Variants in RASSF3 observed in about 807,000 individuals in gnomAD.
RASSF3 encodes ras association domain-containing protein 3.
Under a neutral mutation model 19.9 loss-of-function variants are expected in RASSF3, and 19 were observed. The observed-to-expected ratio is 0.96, with a 90% CI of 0.67 to 1.40. The LOEUF is 1.40. Among genes scored for constraint, RASSF3 ranks in the 40% most tolerant of loss-of-function variants. RASSF3 has a pLI of 0.00. For synonymous variants in RASSF3, 110 were observed against 104.2 expected (o/e 1.06, Z -0.34); for missense variants, 306 against 289.8 (o/e 1.06, Z -0.41).
chr12:64,524,180 T>C (rs1403518520), intron 1 of RASSF3, among the ~76,000 whole-genome samples: 4 of 151,854 alleles, frequency 2.6e-5, no homozygotes, highest in Non-Finnish European at 5.9e-5. Flanking sequence ...GCCTCCCAAG[T>C]AGCTGGGACT....
chr12:64,642,949 T>G (rs1871596967), intron 1 of RASSF3, among the ~76,000 whole-genome samples: 2 of 150,842 alleles, frequency 1.3e-5, no homozygotes, highest in Non-Finnish European at 2.9e-5. Flanking sequence ...CACTGCAACC[T>G]CCGCCTCTGG....
intron 1 of RASSF3, among the ~76,000 whole-genome samples, chr12:64,618,244 A>G (rs1870620006): frequency 6.6e-6 from 1 of 152,170 alleles, no homozygotes; most frequent in Non-Finnish European, 1.5e-5. Flanking sequence ...CCTCCTGAGT[A>G]TTCCAGGTTT....
At chr12:64,562,624 A>ATTTATTTTATTTTAT (rs10692627) in intron 2 of RASSF3, among the ~76,000 whole-genome samples, 3 of 150,964 alleles carry the variant, frequency 2.0e-5, no homozygotes, top group South Asian at 4.2e-4. Flanking sequence ...TTTAAATTTT[A>ATTTATTTTATTTTAT]TTTATTTTAT....
downstream of RASSF3, among the ~76,000 whole-genome samples, chr12:64,543,340 T>C (rs892067951): frequency 2.7e-5 from 4 of 149,358 alleles, no homozygotes; most frequent in Non-Finnish European, 4.5e-5. Context: ...CTGCGCTCGA[T>C]TTCTCGCCGG....
At chr12:64,570,815 A>T (rs1253394250) in intron 2 of RASSF3, among the ~76,000 whole-genome samples, 2 of 152,134 alleles carry the variant, frequency 1.3e-5, no homozygotes, top group African/African-American at 4.8e-5. Flanking sequence ...GGGTTCTGTC[A>T]TCTCAGCGTG....
At chr12:64,684,379 C>T (rs956048316) in intron 1 of RASSF3, among the ~76,000 whole-genome samples, 10 of 151,296 alleles carry the variant, frequency 6.6e-5, no homozygotes, top group East Asian at 1.9e-4. Context: ...CCACCGTGCC[C>T]GGCCCTTGTG....
chr12:64,543,401 G>A (rs1002060373), downstream of RASSF3, among the ~76,000 whole-genome samples: 5 of 98,204 alleles, frequency 5.1e-5, no homozygotes, highest in Non-Finnish European at 9.7e-5. Context: ...AGCCAGCCAT[G>A]CCTGAGTTTC....
At chr12:64,652,965 G>A (rs1186415296) in intron 1 of RASSF3, among the ~76,000 whole-genome samples, 1 of 152,192 alleles carries the variant, frequency 6.6e-6, no homozygotes, top group Admixed American at 6.5e-5. Flanking sequence ...CCTTCTGAGG[G>A]TTAGGAGGGA....
intron 4 of RASSF3, among the ~76,000 whole-genome samples, chr12:64,692,425 AG>A (rs1378077052): frequency 6.6e-6 from 1 of 152,220 alleles, no homozygotes; most frequent in Non-Finnish European, 1.5e-5. Flanking sequence ...ACACTTTACA[AG>A]GTGGGCTTTG....
At chr12:64,535,689 CTTT>C (rs34094654) in intron 1 of RASSF3, among the ~76,000 whole-genome samples, 4 of 137,558 alleles carry the variant, frequency 2.9e-5, no homozygotes, top group Admixed American at 7.3e-5. Context: ...TTTGTTTTCA[CTTT>C]TTTTTTTTTT....
chr12:64,628,219 T>C (rs1871056393), intron 1 of RASSF3: 1 of 152,198 alleles, frequency 6.6e-6, no homozygotes, highest in South Asian at 2.1e-4. Flanking sequence ...TTTCTAAGAA[T>C]GGATTTCATG....
chr12:64,633,936 C>T (rs1360342894), intron 1 of RASSF3, among the ~76,000 whole-genome samples: 1 of 151,992 alleles, frequency 6.6e-6, no homozygotes, highest in Non-Finnish European at 1.5e-5. Context: ...GAGTTTGAGA[C>T]CACCCTGGAC....
upstream of RASSF3, among the ~76,000 whole-genome samples, chr12:64,610,131 C>A (rs1027508997): frequency 6.6e-6 from 1 of 152,158 alleles, no homozygotes; most frequent in Non-Finnish European, 1.5e-5. Flanking sequence ...GAAAGTTCCC[C>A]GCTCTGCTCC....
chr12:64,564,859 C>G (rs1338984081), intron 2 of RASSF3, among the ~76,000 whole-genome samples: 1 of 151,882 alleles, frequency 6.6e-6, no homozygotes, highest in Non-Finnish European at 1.5e-5. Context: ...CGGCTCACTG[C>G]AACCTCCAGC....
chr12:64,663,840 CTT>C lies in RASSF3; in HGVS notation c.112-20926_112-20925del, dbSNP rs34450092. On this transcript the variant is annotated intron_variant, in intron 1 of 4. Coordinates refer to ENST00000542104, the MANE Select transcript of RASSF3 (RefSeq NM_178169.4). ...TTTCTTTACCACGTTTTAGCCTTGC[CTT>C]TTTTTTTTTTTTTTTTTTTTGCCTC... Among the ~76,000 whole-genome samples, 56 of 73,082 alleles carry C rather than the reference CTT, an allele frequency of 7.7e-4. 1 individual carries two copies. In the South Asian group the frequency reaches 8.1e-3, roughly 11 times the overall value. The allele number at this position is 73,082 out of a possible 152,430, so 47.9% of individuals were successfully genotyped here.
chr12:64,554,276 T>C (rs115743666), intron 2 of RASSF3, among the ~76,000 whole-genome samples: 2,343 of 152,188 alleles, frequency 0.015, 61 homozygotes, highest in African/African-American at 0.054. Context: ...AAGAGCAAAT[T>C]CAGTAGATTG....
chr12:64,673,199 T>C (rs1162463214), intron 1 of RASSF3, among the ~76,000 whole-genome samples: 1 of 152,252 alleles, frequency 6.6e-6, no homozygotes, highest in Non-Finnish European at 1.5e-5. Context: ...ACTATGGCTT[T>C]TGATTGCTGT....
At chr12:64,583,740 C>A (rs1869742975) in intron 2 of RASSF3, among the ~76,000 whole-genome samples, 1 of 152,158 alleles carries the variant, frequency 6.6e-6, no homozygotes, top group African/African-American at 2.4e-5. Flanking sequence ...CCCTAACAAT[C>A]CTTACTGTAT....
intron 2 of RASSF3, among the ~76,000 whole-genome samples, chr12:64,578,669 G>T (rs1028239171): frequency 1.3e-5 from 2 of 152,104 alleles, no homozygotes; most frequent in Non-Finnish European, 2.9e-5. Flanking sequence ...TAATTAAATT[G>T]ATGGCAAGAG....
Sources: gnomAD v4.1 joint callset for allele counts (sites outside exome capture counted in the v4.1 genomes callset) on GRCh38, gnomAD v4.1.1 for gene constraint, MANE v1.5 for transcripts, NCBI Gene and HGNC (gene_info 2026-07-23, HGNC 2026-07-21) for gene names.